Variants in GALNTL6 observed in about 807,000 individuals in gnomAD.
The protein encoded by GALNTL6 is polypeptide N-acetylgalactosaminyltransferase-like 6.
In GALNTL6, 46 loss-of-function variants were observed where a neutral mutation model predicts 73.7. The observed-to-expected ratio is 0.62, with a 90% CI of 0.49 to 0.80. The LOEUF is 0.80. GALNTL6 is among the 30% of genes least tolerant of loss of function. The pLI is 0.00. For synonymous variants in GALNTL6, 259 were observed against 263.7 expected (o/e 0.98, Z 0.17); for missense variants, 604 against 755.0 (o/e 0.80, Z 2.34).
intron 3 of GALNTL6, among the ~76,000 whole-genome samples, chr4:172,304,317 T>C (rs551737280): frequency 6.6e-6 from 1 of 152,226 alleles, no homozygotes; most frequent in South Asian, 2.1e-4. Context: ...CTGGAGACAT[T>C]ACGATGAAGA....
At chr4:172,811,337 G>A (rs531926214) in intron 6 of GALNTL6, among the ~76,000 whole-genome samples, 1 of 152,196 alleles carries the variant, frequency 6.6e-6, no homozygotes, top group Non-Finnish European at 1.5e-5. Context: ...TGAAGGAAAA[G>A]TTGACAGTTA....
intron 8 of GALNTL6, among the ~76,000 whole-genome samples, chr4:172,903,785 T>G (rs1259539836): frequency 6.6e-6 from 1 of 152,002 alleles, no homozygotes; most frequent in Admixed American, 6.6e-5. Context: ...CTTTCGGGGG[T>G]TTGTTGTATT....
chr4:171,841,340 A>G (rs1456495341), intron 2 of GALNTL6, among the ~76,000 whole-genome samples: 1 of 152,208 alleles, frequency 6.6e-6, no homozygotes, highest in Non-Finnish European at 1.5e-5. Context: ...CACTGCAAAT[A>G]TTATATTGAA....
intron 5 of GALNTL6, among the ~76,000 whole-genome samples, chr4:172,522,525 C>T (rs959741209): frequency 3.3e-5 from 5 of 151,986 alleles, no homozygotes; most frequent in Non-Finnish European, 7.4e-5. Context: ...ACAAAATTAG[C>T]CAGGTGTGGT....
chr4:171,868,901 G>A (rs909522937), intron 2 of GALNTL6, among the ~76,000 whole-genome samples: 10 of 152,078 alleles, frequency 6.6e-5, no homozygotes, highest in South Asian at 2.1e-4. Context: ...GGCTGGTCTC[G>A]AACTCCTGAC....
chr4:172,471,609 G>A (rs1733054761), intron 5 of GALNTL6, among the ~76,000 whole-genome samples: 1 of 151,970 alleles, frequency 6.6e-6, no homozygotes, highest in South Asian at 2.1e-4. Flanking sequence ...TAGTGATCTA[G>A]GAATGATCTA....
rs567478401 is a variant in GALNTL6, at chr4:172,368,573, C to G, written c.553+19884C>G. 2.0e-5 allele frequency among the ~76,000 whole-genome samples: 3 copies of G among 152,340 alleles called. No homozygotes were observed. In the East Asian group the frequency reaches 5.8e-4, roughly 29 times the overall value. The stretch of plus-strand genomic sequence containing the variant: ...AACAGATCACAAAGCTCATCTAAAA[C>G]AGCAAGGATGTTGTCAAGTGCTGTT... On this transcript the variant is annotated intron_variant, in intron 5 of 12. Transcript: ENST00000506823.
intron 3 of GALNTL6, among the ~76,000 whole-genome samples, chr4:172,309,111 G>A (rs977664944): frequency 6.6e-6 from 1 of 151,948 alleles, no homozygotes; most frequent in Non-Finnish European, 1.5e-5. Flanking sequence ...GTTTTTTGGG[G>A]CCAAATGTCA....
chr4:172,311,440 G>A (rs1740353996), intron 3 of GALNTL6, among the ~76,000 whole-genome samples, 174 bp from the exon 4 acceptor site: 1 of 152,016 alleles, frequency 6.6e-6, no homozygotes, highest in Admixed American at 6.6e-5. Context: ...TTTTTATATT[G>A]AGTATATTTC....
chr4:172,523,272 G>A (rs1261760450), intron 5 of GALNTL6, among the ~76,000 whole-genome samples: 4 of 152,214 alleles, frequency 2.6e-5, no homozygotes, highest in Admixed American at 1.3e-4. Context: ...ACCTGGCTGT[G>A]TTTTAAATGA....
intron 2 of GALNTL6, among the ~76,000 whole-genome samples, chr4:172,110,211 A>C (rs1579148763): frequency 6.6e-6 from 1 of 152,330 alleles, no homozygotes; most frequent in African/African-American, 2.4e-5. Flanking sequence ...TCAATGTTGG[A>C]TACAGCTAAG....
chr4:171,814,178 GAAC>G lies in GALNTL6; in HGVS notation c.-170+199_-170+201del, dbSNP rs895488411. 3.3e-5 allele frequency among the ~76,000 whole-genome samples: 5 copies of G among 152,078 alleles called. No homozygotes were observed. In the South Asian group the frequency reaches 6.2e-4, roughly 19 times the overall value. ...CTCCCACACTAAGGAGGTGGGGGGC[GAAC>G]AACAACAACAGCAACAAAAACTCCC... is the stretch of plus-strand genomic sequence containing the variant. On this transcript the variant is annotated intron_variant, in intron 1 of 12. Transcript: ENST00000506823.
intron 10 of GALNTL6, among the ~76,000 whole-genome samples, chr4:172,987,079 G>A (rs756514233): frequency 2.0e-5 from 3 of 151,948 alleles, no homozygotes; most frequent in Non-Finnish European, 2.9e-5. Flanking sequence ...TCCAGTCTCC[G>A]AATTTTATTA....
chr4:172,313,939 C>T (rs1740455528), intron 4 of GALNTL6, among the ~76,000 whole-genome samples: 1 of 152,176 alleles, frequency 6.6e-6, no homozygotes, highest in Admixed American at 6.5e-5. Context: ...GAAGAGAAGC[C>T]TGATGTCACC....
At chr4:172,762,188 A>G (rs1420480995) in intron 5 of GALNTL6, among the ~76,000 whole-genome samples, 1 of 152,250 alleles carries the variant, frequency 6.6e-6, no homozygotes, top group Non-Finnish European at 1.5e-5. Flanking sequence ...TTTTTTTAAT[A>G]GCCTGCAAAA....
intron 5 of GALNTL6, among the ~76,000 whole-genome samples, chr4:172,418,872 T>C (rs1413126986): frequency 6.6e-6 from 1 of 152,174 alleles, no homozygotes; most frequent in Non-Finnish European, 1.5e-5. Flanking sequence ...TTAAAGGTGA[T>C]TGTTTTCATA....
intron 2 of GALNTL6, among the ~76,000 whole-genome samples, chr4:172,091,659 T>G (rs1413971335): frequency 6.6e-6 from 1 of 152,194 alleles, no homozygotes; most frequent in African/African-American, 2.4e-5. Flanking sequence ...TATAATAATA[T>G]AAAAGAGACT....
intron 5 of GALNTL6, among the ~76,000 whole-genome samples, chr4:172,800,870 A>C (rs1220934088): frequency 1.3e-5 from 2 of 152,134 alleles, no homozygotes; most frequent in Non-Finnish European, 2.9e-5. Flanking sequence ...AATTATAGTT[A>C]ATTTTATATT....
chr4:172,105,398 A>C (rs1560925081), intron 2 of GALNTL6, among the ~76,000 whole-genome samples: 3 of 152,022 alleles, frequency 2.0e-5, no homozygotes, highest in Non-Finnish European at 4.4e-5. Context: ...TTAGTAAAGA[A>C]GAGAATAGAG....
Sources: allele counts gnomAD v4.1 joint callset (sites outside exome capture counted in the v4.1 genomes callset), GRCh38; gene constraint gnomAD v4.1.1; transcripts MANE v1.5; gene names NCBI Gene and HGNC (gene_info 2026-07-23, HGNC 2026-07-21).